PDLIM1: variants seen among roughly 807,000 people sequenced by gnomAD.
PDLIM1 encodes the protein PDZ and LIM domain 1.
PDLIM1 carries 25 observed loss-of-function variants against 35.2 expected under a neutral mutation model. That is an observed-to-expected ratio of 0.71 (90% confidence interval 0.52 to 0.99). The LOEUF (loss-of-function observed/expected upper bound fraction) is 0.99. Among genes scored for constraint, PDLIM1 ranks in the 50% least tolerant of loss-of-function variants. PDLIM1 has a pLI of 0.00. For synonymous variants in PDLIM1, 152 were observed against 154.0 expected (o/e 0.99, Z 0.10); for missense variants, 363 against 415.3 (o/e 0.87, Z 1.09).
intron 4 of PDLIM1, among the ~76,000 whole-genome samples, chr10:95,263,300 C>T (rs1589513003): frequency 2.0e-5 from 3 of 152,226 alleles, no homozygotes; most frequent in South Asian, 4.1e-4. Flanking sequence ...TGCCTCTGTC[C>T]CCAGATCAGA....
chr10:95,279,006 G>C (rs1202901166), intron 1 of PDLIM1, among the ~76,000 whole-genome samples: 1 of 152,158 alleles, frequency 6.6e-6, no homozygotes, highest in Non-Finnish European at 1.5e-5. Context: ...GAAAGCTAGA[G>C]GCCTGTGAAA....
Position 95,290,987 on chromosome 10 carries a change from C to A in PDLIM1, c.-72G>T. 1 of 893,460 alleles carries A rather than the reference C, an allele frequency of 1.1e-6. No homozygotes were observed. Among genetic ancestry groups the A allele is most frequent in the East Asian group, 3.1e-5 (1 of 31,920 alleles). The allele number at this position is 893,460 out of a possible 1,614,324, so 55.3% of individuals were successfully genotyped here. ...CGCGCGGAACAGCTTGCAGGGCACC[C>A]CCGGCGGCTGTCGGAGAAAGAGCGG... On this transcript the variant is annotated 5_prime_UTR_variant, in exon 1 of 7. Coordinates refer to ENST00000329399, the MANE Select transcript of PDLIM1 (RefSeq NM_020992.4). The surrounding 1 kb of genome is among the most constrained non-coding windows in gnomAD (Gnocchi z 4.7).
chr10:95,258,070 G>A (rs2035331412), intron 4 of PDLIM1, among the ~76,000 whole-genome samples: 1 of 152,146 alleles, frequency 6.6e-6, no homozygotes, highest in South Asian at 2.1e-4. Context: ...GATGGAGCAG[G>A]CAAAGAGAGA....
At chr10:95,288,589 T>C (rs1328940785) in intron 1 of PDLIM1, among the ~76,000 whole-genome samples, 2 of 151,628 alleles carry the variant, frequency 1.3e-5, no homozygotes, top group African/African-American at 4.8e-5. Context: ...CAGTGGAAGA[T>C]TCACCCCAGG....
Position 95,239,101 on chromosome 10 carries a change from G to A in PDLIM1, c.686-416C>T, listed in dbSNP as rs368601221. 1.1e-4 allele frequency among the ~76,000 whole-genome samples: 17 copies of A among 152,238 alleles called. No homozygotes were observed. In the East Asian group the frequency reaches 3.3e-3, roughly 29 times the overall value. On this transcript the variant is annotated intron_variant, in intron 5 of 6. Transcript: ENST00000329399. ...CTGACAAAAACAAGCAATGAAGAAA[G>A]GATTCCCTATTTAATAAATGGTGCT... is the stretch of plus-strand genomic sequence containing the variant.
chr10:95,270,491 T>C (rs2035455275), intron 2 of PDLIM1, among the ~76,000 whole-genome samples: 2 of 152,054 alleles, frequency 1.3e-5, no homozygotes, highest in Non-Finnish European at 2.9e-5. Flanking sequence ...CAACTGAGGG[T>C]TGAACCAAAT....
chr10:95,243,379 C>G (rs1315544672), intron 5 of PDLIM1, among the ~76,000 whole-genome samples: 1 of 152,172 alleles, frequency 6.6e-6, no homozygotes, highest in Non-Finnish European at 1.5e-5. Context: ...TACAGTGAAC[C>G]CTGTATCCCA....
At chr10:95,270,911 T>G (rs1273704679) in intron 2 of PDLIM1, among the ~76,000 whole-genome samples, 1 of 150,992 alleles carries the variant, frequency 6.6e-6, no homozygotes, top group African/African-American at 2.5e-5. Context: ...CTACCACACC[T>G]GGCTAATTTT....
intron 4 of PDLIM1, among the ~76,000 whole-genome samples, chr10:95,256,941 C>T: frequency 8.4e-6 from 1 of 119,154 alleles, no homozygotes; most frequent in Non-Finnish European, 1.8e-5. Context: ...TGCCATTGCA[C>T]TCCAGCCCAG....
chr10:95,264,058 G>C lies in PDLIM1; in HGVS notation c.339C>G (p.Val113=). The change falls in exon 4 of 7, where the codon GTC becomes GTG. Residue 113 remains valine, a synonymous_variant. Coordinates refer to ENST00000329399, the MANE Select transcript of PDLIM1 (RefSeq NM_020992.4). ...KMNLASEPQE[V]LHIGSAHNRS... ...GGTTGTGGGCGCTTCCTATGTGCAG[G>C]ACCTCCTGCAGGCAGGGATCAGAGG... The C allele has an allele frequency of 6.2e-7, 1 of 1,613,248 alleles. No individual in the cohort carries two copies. Among genetic ancestry groups the C allele is most frequent in the Non-Finnish European group, 8.5e-7 (1 of 1,179,686 alleles).
intron 4 of PDLIM1, among the ~76,000 whole-genome samples, chr10:95,261,333 C>T (rs529649197): frequency 1.3e-5 from 2 of 152,226 alleles, no homozygotes; most frequent in South Asian, 4.1e-4. Flanking sequence ...TGGAATATTC[C>T]ACTCTGGGAC....
intron 2 of PDLIM1, among the ~76,000 whole-genome samples, chr10:95,270,203 T>C (rs914524736): frequency 1.3e-5 from 2 of 152,094 alleles, no homozygotes; most frequent in Non-Finnish European, 2.9e-5. Context: ...GAGATGAGAA[T>C]GAAGGGCAGA....
At chr10:95,240,860 C>T (rs45539537) in intron 5 of PDLIM1, among the ~76,000 whole-genome samples, 1 of 152,164 alleles carries the variant, frequency 6.6e-6, no homozygotes, top group Non-Finnish European at 1.5e-5. Flanking sequence ...CCACTCATCA[C>T]ATCTTAGGTA....
intron 4 of PDLIM1, among the ~76,000 whole-genome samples, chr10:95,252,616 AAC>A (rs2035276637): frequency 1.3e-5 from 2 of 152,204 alleles, no homozygotes; most frequent in Non-Finnish European, 2.9e-5. Context: ...CAAAGATGGT[AAC>A]ACAGTCATCA....
At chr10:95,265,321 G>A (rs555815990) in intron 3 of PDLIM1, among the ~76,000 whole-genome samples, 13 of 152,268 alleles carry the variant, frequency 8.5e-5, no homozygotes, top group Admixed American at 3.9e-4. Flanking sequence ...TGGGCCGAGC[G>A]TGGTGGCTCA....
chr10:95,278,911 G>A (rs1438759997), intron 1 of PDLIM1, among the ~76,000 whole-genome samples: 1 of 152,176 alleles, frequency 6.6e-6, no homozygotes, highest in Non-Finnish European at 1.5e-5. Context: ...TTCCCTAGCA[G>A]GTCTTTCAGA....
intron 4 of PDLIM1, among the ~76,000 whole-genome samples, chr10:95,247,998 C>T (rs2035237554): frequency 1.3e-5 from 2 of 152,354 alleles, no homozygotes; most frequent in Admixed American, 6.5e-5. Context: ...GCAAGCCAGG[C>T]CTTGTCTTCC....
intron 3 of PDLIM1, among the ~76,000 whole-genome samples, chr10:95,267,012 T>C (rs2035422612): frequency 6.6e-6 from 1 of 152,224 alleles, no homozygotes; most frequent in Admixed American, 6.5e-5. Flanking sequence ...TTATTATAGA[T>C]GAACTCTGCT....
intron 1 of PDLIM1, among the ~76,000 whole-genome samples, chr10:95,284,378 A>C (rs1156890523): frequency 6.6e-6 from 1 of 151,350 alleles, no homozygotes; most frequent in Non-Finnish European, 1.5e-5. Flanking sequence ...TTCTAGATGG[A>C]GTTTCGCTCT....
Sources: gnomAD v4.1 joint callset for allele counts (sites outside exome capture counted in the v4.1 genomes callset) on GRCh38, gnomAD v4.1.1 for gene constraint, Gnocchi (gnomAD v3.1) non-coding constraint, MANE v1.5 for transcripts, NCBI Gene and HGNC (gene_info 2026-07-23, HGNC 2026-07-21) for gene names.